Variants in COL18A1 observed in about 807,000 individuals in gnomAD.
The protein encoded by COL18A1 is collagen alpha-1(XVIII) chain.
Under a neutral mutation model 168.0 loss-of-function variants are expected in COL18A1, and 133 were observed. That is an observed-to-expected ratio of 0.79 (90% CI 0.69 to 0.91). The LOEUF (loss-of-function observed/expected upper bound fraction) is 0.91. Ranked by LOEUF, COL18A1 falls within the 40% of genes least tolerant of loss-of-function variation. The pLI, the probability that COL18A1 is intolerant of heterozygous loss-of-function variation, is 0.00. For missense variants in COL18A1, 2,126 were observed against 1,925.4 expected (o/e 1.10, Z -1.95); for synonymous variants, 949 against 809.0 (o/e 1.17, Z -2.94).
intron 33 of COL18A1, 170 bp downstream of exon 33, chr21:45,504,224 C>T (rs781613231): frequency 7.2e-5 from 67 of 931,752 alleles, no homozygotes; most frequent in Admixed American, 4.0e-4. Flanking sequence ...TTCCTGTCCC[C>T]GGCTCAGTTT....
At chr21:45,503,376 G>T (rs2036970116) in intron 32 of COL18A1, among the ~76,000 whole-genome samples, 1 of 152,020 alleles carries the variant, frequency 6.6e-6, no homozygotes, top group Admixed American at 6.6e-5. Context: ...CTTCTTTTGA[G>T]AAGTGTCTGT....
rs571911100 is a variant in COL18A1, at chr21:45,453,288, T to G, written c.107-14954T>G. On this transcript the variant is annotated intron_variant, in intron 2 of 41. Transcript: ENST00000651438. ...GCACGTACGCTTATATGTACATGTGTGGGGGCTTGTGTATGTGAGTATTCA... is the reference window on the plus strand; with the variant it reads ...GCACGTACGCTTATATGTACATGTGGGGGGGCTTGTGTATGTGAGTATTCA... Among the ~76,000 whole-genome samples, 33 of 152,296 alleles carry G rather than the reference T, an allele frequency of 2.2e-4. No homozygotes were observed. In the South Asian group the frequency reaches 3.9e-3, roughly 18 times the overall value.
chr21:45,430,462 T>G (rs1602364692), intron 2 of COL18A1, among the ~76,000 whole-genome samples: 1 of 152,146 alleles, frequency 6.6e-6, no homozygotes, highest in African/African-American at 2.4e-5. Context: ...TGCTGCTTGC[T>G]GGGGAGGGGG....
At chr21:45,418,134 GACC>G (rs1384114067) in intron 2 of COL18A1, among the ~76,000 whole-genome samples, 1 of 152,252 alleles carries the variant, frequency 6.6e-6, no homozygotes, top group Non-Finnish European at 1.5e-5. Context: ...GCAGTGACAA[GACC>G]CTTCCCTTCC....
intron 2 of COL18A1, among the ~76,000 whole-genome samples, chr21:45,445,479 G>A (rs1409260217): frequency 6.6e-6 from 1 of 152,182 alleles, no homozygotes; most frequent in African/African-American, 2.4e-5. Flanking sequence ...TATACCTAAG[G>A]TGGAATCACT....
rs1409081881 is a variant in COL18A1, at chr21:45,505,285, CAGTGGGG to C, written c.3013+14_3013+20del. The C allele has an allele frequency of 6.2e-7, 1 of 1,607,866 alleles. No homozygotes were observed. The highest frequency in any genetic ancestry group is 1.3e-5 in the African/African-American group (1 of 74,784). On this transcript the variant is annotated splice_region_variant and intron_variant, in intron 35 of 41. Coordinates refer to ENST00000651438, the MANE Select transcript of COL18A1 (RefSeq NM_001379500.1). ...CCTGGCCCTCACAGGCAGAGTAAGT[CAGTGGGG>C]AGTGGGCCCCGGGCAGAGGCCGCCT... is the stretch of plus-strand genomic sequence containing the variant.
intron 37 of COL18A1, chr21:45,506,393 A>T: frequency 3.0e-6 from 1 of 328,712 alleles, no homozygotes; most frequent in South Asian, 2.5e-5. Context: ...CGCGTTATAA[A>T]CACCAAGGTG....
chr21:45,505,141 A>C lies in COL18A1; in HGVS notation c.2876A>C (p.Lys959Thr), dbSNP rs1418335395. The C allele has an allele frequency of 1.2e-6, 2 of 1,609,498 alleles. No homozygotes were observed. Among genetic ancestry groups the C allele is most frequent in the Non-Finnish European group, 1.7e-6 (2 of 1,178,890 alleles). The change falls in exon 35 of 42, where the codon AAG (lysine) becomes ACG (threonine). Residue 959 changes from lysine (K) to threonine (T), a missense_variant. Physicochemically the swap from Lys to Thr is moderately conservative, Grantham distance 78. Coordinates refer to ENST00000651438, the MANE Select transcript of COL18A1 (RefSeq NM_001379500.1). ...PRGYPGIPGP[K>T]GESIRGQPGP... ...TCTTGTCGCCGTCCGTAGGGTCCCA[A>C]GGGAGAGAGCATCCGGGGCCAGCCC...
At position 45,487,534 on chromosome 21, in the gene COL18A1, C is replaced by T. The variant is rs760424340; in HGVS notation, c.1896+25C>T. On this transcript the variant is annotated intron_variant, in intron 17 of 41. Transcript: ENST00000651438. The stretch of plus-strand genomic sequence containing the variant: ...GGTAGTGTTGTGAGCTGGGCGTGGC[C>T]GGCTCTGAGGGGTAAGGGGGTGTTG... The T allele has an allele frequency of 3.3e-5, 53 of 1,611,730 alleles. No individual in the cohort carries two copies. In the Admixed American group the frequency reaches 3.3e-4, roughly 10 times the overall value.
At chr21:45,430,038 G>A (rs749303029) in intron 2 of COL18A1, among the ~76,000 whole-genome samples, 143 of 122,684 alleles carry the variant, frequency 1.2e-3, no homozygotes, top group Middle Eastern at 4.2e-3. Flanking sequence ...TCTCCCTAGC[G>A]TTCTCTCGCC....
intron 2 of COL18A1, among the ~76,000 whole-genome samples, chr21:45,458,154 G>A (rs972093742): frequency 6.6e-6 from 1 of 151,242 alleles, no homozygotes; most frequent in Non-Finnish European, 1.5e-5. Context: ...TGAGCCTGAG[G>A]GGGGCACAGG....
intron 2 of COL18A1, among the ~76,000 whole-genome samples, chr21:45,419,205 G>A (rs1378063246): frequency 1.3e-5 from 2 of 152,166 alleles, no homozygotes; most frequent in Admixed American, 6.5e-5. Flanking sequence ...AGGCGATGCC[G>A]TGTGTGGTGA....
At chr21:45,460,300 C>G (rs889127744) in intron 2 of COL18A1, among the ~76,000 whole-genome samples, 1 of 152,224 alleles carries the variant, frequency 6.6e-6, no homozygotes, top group Non-Finnish European at 1.5e-5. Flanking sequence ...TGCCTGTGCA[C>G]AGAGTGGGGC....
chr21:45,416,946 A>G (rs2033467259), intron 2 of COL18A1, among the ~76,000 whole-genome samples: 1 of 152,116 alleles, frequency 6.6e-6, no homozygotes, highest in South Asian at 2.1e-4. Context: ...AGTGTCAGGT[A>G]TGTTTTCTTG....
At chr21:45,442,794 G>A (rs1201524958) in intron 2 of COL18A1, among the ~76,000 whole-genome samples, 30 of 119,414 alleles carry the variant, frequency 2.5e-4, no homozygotes, top group African/African-American at 1.0e-3. Context: ...TGGTGTGGGC[G>A]GTGGTGGTGC....
chr21:45,512,114 T>A, intron 41 of COL18A1, 74 bp from the exon 42 acceptor site: 1 of 1,518,008 alleles, frequency 6.6e-7, no homozygotes, highest in East Asian at 2.4e-5. Flanking sequence ...CCTCCACCTT[T>A]CCTGCCCGGG....
chr21:45,455,834 G>A lies in COL18A1; in HGVS notation c.107-12408G>A, dbSNP rs771588051. 26 of 1,613,114 alleles carry A rather than the reference G, an allele frequency of 1.6e-5. No individual in the cohort carries two copies. The highest frequency in any genetic ancestry group is 1.6e-4 in the Middle Eastern group (1 of 6,084). Reference sequence around the variant, plus strand: ...CCCCACTTCTGCCGAGAGCCCGGACGCGCCAGAGGAGAACATTGCCGGTGT... The same window carrying A: ...CCCCACTTCTGCCGAGAGCCCGGACACGCCAGAGGAGAACATTGCCGGTGT... On this transcript the variant is annotated intron_variant, in intron 2 of 41. Coordinates refer to ENST00000651438, the MANE Select transcript of COL18A1 (RefSeq NM_001379500.1).
chr21:45,468,051 G>C (rs2035278189), intron 2 of COL18A1, among the ~76,000 whole-genome samples, 191 bp from the exon 3 acceptor site: 1 of 152,214 alleles, frequency 6.6e-6, no homozygotes, highest in African/African-American at 2.4e-5. Flanking sequence ...CTGTCGTTTG[G>C]GAATGAGTGA....
chr21:45,506,369 G>A (rs113178326), intron 37 of COL18A1: 4 of 351,854 alleles, frequency 1.1e-5, no homozygotes, highest in Middle Eastern at 1.0e-3. Flanking sequence ...AGGCTGTCCC[G>A]TGGCTCTGCA....
Sources: gnomAD v4.1 joint callset for allele counts (sites outside exome capture counted in the v4.1 genomes callset) on GRCh38, gnomAD v4.1.1 for gene constraint, MANE v1.5 for transcripts, NCBI Gene and HGNC (gene_info 2026-07-23, HGNC 2026-07-21) for gene names.